The following SAMD5 variants were observed in gnomAD, a reference collection of about 807,000 sequenced individuals.
SAMD5 encodes the protein sterile alpha motif domain-containing protein 5.
A neutral mutation model predicts 11.3 loss-of-function variants in SAMD5; 13 were observed. The observed-to-expected ratio is 1.15, with a 90% CI of 0.75 to 1.83. The LOEUF (loss-of-function observed/expected upper bound fraction) is 1.83. SAMD5 is among the 40% of genes most tolerant of loss of function. The pLI, the probability that SAMD5 is intolerant of heterozygous loss-of-function variation, is 0.00. For synonymous variants in SAMD5, 129 were observed against 111.3 expected (o/e 1.16, Z -1.00); for missense variants, 255 against 239.1 (o/e 1.07, Z -0.44).
At chr6:147,663,061 G>C (rs771422550) in intron 1 of SAMD5, among the ~76,000 whole-genome samples, 2 of 152,118 alleles carry the variant, frequency 1.3e-5, no homozygotes, top group Non-Finnish European at 2.9e-5. Context: ...TGCAATTAAG[G>C]CTTTAGTCAG....
At chr6:147,590,930 G>C (rs1789443288) in intron 1 of SAMD5, among the ~76,000 whole-genome samples, 3 of 152,082 alleles carry the variant, frequency 2.0e-5, no homozygotes, top group Admixed American at 2.0e-4. Context: ...TTTTGACATT[G>C]GATGTTATTT....
the SAMD5 span, among the ~76,000 whole-genome samples, chr6:147,946,036 A>G: frequency 1.3e-5 from 2 of 151,930 alleles, no homozygotes; most frequent in Non-Finnish European, 2.9e-5. Context: ...CTTATAAAAG[A>G]CTCCTAATTT....
the SAMD5 span, among the ~76,000 whole-genome samples, chr6:147,922,195 A>T: frequency 6.6e-6 from 1 of 152,078 alleles, no homozygotes; most frequent in Non-Finnish European, 1.5e-5. Flanking sequence ...CTGTGCCAAC[A>T]TTGTCTCTTC....
Position 147,568,260 on chromosome 6 carries a change from C to T in SAMD5, c.*3804C>T, listed in dbSNP as rs1423111100. On this transcript the variant is annotated 3_prime_UTR_variant, in exon 2 of 2. Transcript: ENST00000367474. ...CAGATATACCAGGGACTGGAAAGCA[C>T]CTGCTTGAAAATTGATATGAGCATG... 3.0e-6 allele frequency: 3 copies of T among 985,242 alleles called. No individual in the cohort carries two copies. The allele number at this position is 985,242 out of a possible 1,614,324, so 61.0% of individuals were successfully genotyped here. A position where few individuals can be genotyped will look rare whatever the true frequency, so the allele number is the denominator to read the frequency against.
intron 1 of SAMD5, among the ~76,000 whole-genome samples, chr6:147,680,016 G>A (rs1039459062): frequency 3.3e-5 from 5 of 151,690 alleles, no homozygotes; most frequent in African/African-American, 9.7e-5. Flanking sequence ...TTTATAATAA[G>A]TCTTGAAATC....
intron 1 of SAMD5, among the ~76,000 whole-genome samples, chr6:147,713,975 G>A (rs191815851): frequency 6.6e-6 from 1 of 151,974 alleles, no homozygotes; most frequent in African/African-American, 2.4e-5. Flanking sequence ...CTCAAAACAG[G>A]TCTGTATTTT....
intron 1 of SAMD5, among the ~76,000 whole-genome samples, chr6:147,549,669 A>G (rs191861548): frequency 3.9e-5 from 6 of 152,176 alleles, no homozygotes; most frequent in Admixed American, 3.3e-4. Flanking sequence ...CACATTCCCA[A>G]ATAAACTATC....
the SAMD5 span, among the ~76,000 whole-genome samples, chr6:147,954,661 A>G: frequency 6.8e-6 from 1 of 146,664 alleles, no homozygotes; most frequent in East Asian, 2.0e-4. Flanking sequence ...TTTTTTTGAG[A>G]CAGAGTCTCG....
chr6:147,600,014 G>A (rs975436932), intron 1 of SAMD5, among the ~76,000 whole-genome samples: 2 of 151,970 alleles, frequency 1.3e-5, no homozygotes, highest in Non-Finnish European at 2.9e-5. Context: ...GACCAGTCGT[G>A]GTCACCCCAT....
At chr6:147,689,380 A>G (rs1791066645) in intron 1 of SAMD5, among the ~76,000 whole-genome samples, 1 of 152,154 alleles carries the variant, frequency 6.6e-6, no homozygotes. Flanking sequence ...CTTCCAAAAT[A>G]TACCAACTCA....
At chr6:147,742,363 A>G (rs1250218563), downstream of SAMD5, among the ~76,000 whole-genome samples, 1 of 152,108 alleles carries the variant, frequency 6.6e-6, no homozygotes, top group Non-Finnish European at 1.5e-5. Context: ...TTGAATTGAA[A>G]TGATTCTTTC....
chr6:147,909,741 C>T, the SAMD5 span, among the ~76,000 whole-genome samples: 2 of 151,920 alleles, frequency 1.3e-5, no homozygotes, highest in African/African-American at 2.4e-5. Context: ...TGCTTTTACA[C>T]TGCAGTGGTA....
the SAMD5 span, among the ~76,000 whole-genome samples, chr6:147,796,507 T>C: frequency 6.6e-6 from 1 of 152,200 alleles, no homozygotes; most frequent in African/African-American, 2.4e-5. Context: ...GTGTGATGCC[T>C]CCAGCTTTGT....
At chr6:147,631,206 G>C (rs1477593696) in intron 1 of SAMD5, among the ~76,000 whole-genome samples, 1 of 152,164 alleles carries the variant, frequency 6.6e-6, no homozygotes, top group African/African-American at 2.4e-5. Flanking sequence ...ATTGGTGATG[G>C]CCTGGATACG....
intron 1 of SAMD5, among the ~76,000 whole-genome samples, chr6:147,718,901 G>C (rs1306207826): frequency 6.6e-6 from 1 of 152,194 alleles, no homozygotes; most frequent in African/African-American, 2.4e-5. Flanking sequence ...ATGTTGGTCA[G>C]GCTGGTCTCG....
chr6:147,619,513 T>C (rs143247196), intron 1 of SAMD5, among the ~76,000 whole-genome samples: 31 of 152,354 alleles, frequency 2.0e-4, no homozygotes, highest in Non-Finnish European at 4.1e-4. Context: ...AGTAAAGATA[T>C]TCCTTGATAG....
the SAMD5 span, among the ~76,000 whole-genome samples, chr6:147,930,841 C>T: frequency 6.6e-6 from 1 of 152,172 alleles, no homozygotes; most frequent in Non-Finnish European, 1.5e-5. Flanking sequence ...TGAATGTCCT[C>T]CTTCTTCCAC....
chr6:147,882,623 G>A, the SAMD5 span, among the ~76,000 whole-genome samples: 1 of 152,220 alleles, frequency 6.6e-6, no homozygotes, highest in South Asian at 2.1e-4. Flanking sequence ...TATGGTTGTT[G>A]TTATTGTTAT....
rs1399910537 is a variant in SAMD5, at chr6:147,567,137, G to A, written c.*2681G>A. ...TTTAGTTCATCTTAAAATTTAGGGA[G>A]GTAAAAAAAGATTTTATTCACATAA... is the stretch of plus-strand genomic sequence containing the variant. On this transcript the variant is annotated 3_prime_UTR_variant, in exon 2 of 2. Coordinates refer to ENST00000367474, the MANE Select transcript of SAMD5 (RefSeq NM_001030060.3). The A allele has an allele frequency of 3.0e-6, 3 of 983,914 alleles. No individual in the cohort carries two copies. The highest frequency in any genetic ancestry group is 3.6e-6 in the Non-Finnish European group (3 of 828,766). The allele number at this position is 983,914 out of a possible 1,614,324, so 60.9% of individuals were successfully genotyped here.
Sources: allele counts gnomAD v4.1 joint callset (sites outside exome capture counted in the v4.1 genomes callset), GRCh38; gene constraint gnomAD v4.1.1; transcripts MANE v1.5; gene names NCBI Gene and HGNC (gene_info 2026-07-23, HGNC 2026-07-21).